TMEM9: variants seen among roughly 807,000 people sequenced by gnomAD.
TMEM9 encodes proton-transporting V-type ATPase complex assembly regulator TMEM9.
Under a neutral mutation model 22.8 loss-of-function variants are expected in TMEM9, and 13 were observed. That is an observed-to-expected ratio of 0.57 (90% confidence interval 0.37 to 0.91). The LOEUF is 0.91. Ranked by LOEUF, TMEM9 falls within the 40% of genes least tolerant of loss-of-function variation. TMEM9 has a pLI of 0.01. For synonymous variants in TMEM9, 88 were observed against 93.0 expected (o/e 0.95, Z 0.31); for missense variants, 182 against 238.1 (o/e 0.76, Z 1.55).
At chr1:201,162,315 T>C (rs1158808217) in intron 1 of TMEM9, among the ~76,000 whole-genome samples, 1 of 152,026 alleles carries the variant, frequency 6.6e-6, no homozygotes, top group Non-Finnish European at 1.5e-5. Flanking sequence ...ATTTTTATTT[T>C]TTGTGGAGAC....
chr1:201,156,858 C>T (rs1665810588), upstream of TMEM9, among the ~76,000 whole-genome samples: 1 of 152,216 alleles, frequency 6.6e-6, no homozygotes, highest in African/African-American at 2.4e-5. Context: ...AGGGATACAA[C>T]AGACAAATCA....
In TMEM9 at chr1:201,135,213, T is replaced by TA. The variant is rs35874939; in HGVS notation, c.*449dup. 0.4 allele frequency: 61,874 copies of TA among 153,012 alleles called. 13,215 individuals carry two copies. Among genetic ancestry groups the TA allele is most frequent in the Non-Finnish European group, 0.47 (32,310 of 68,412 alleles). 9.5% of individuals were successfully genotyped at this position (153,012 alleles called of 1,614,324 possible). On this transcript the variant is annotated 3_prime_UTR_variant, in exon 5 of 5. Coordinates refer to ENST00000367330, the MANE Select transcript of TMEM9 (RefSeq NM_001288565.2). Reference sequence around the variant, plus strand: ...GCTGGGGCTGGGAGGGAGGTGGTGATAAGAACCACTGCAGAAAGGAACACA... The same window carrying TA: ...GCTGGGGCTGGGAGGGAGGTGGTGATAAAGAACCACTGCAGAAAGGAACACA...
chr1:201,167,229 G>A (rs894643254), intron 1 of TMEM9, among the ~76,000 whole-genome samples: 3 of 152,122 alleles, frequency 2.0e-5, no homozygotes, highest in Non-Finnish European at 2.9e-5. Context: ...TAATTGATGC[G>A]GGGCCAGCCA....
intron 1 of TMEM9, among the ~76,000 whole-genome samples, chr1:201,170,002 CA>C (rs1297265054): frequency 6.7e-6 from 1 of 148,912 alleles, no homozygotes; most frequent in African/African-American, 2.5e-5. Flanking sequence ...TGGTCTTAAG[CA>C]ACAGAAACTG....
intron 3 of TMEM9, chr1:201,144,186 T>A (rs536919367): frequency 9.5e-5 from 45 of 472,008 alleles, no homozygotes; most frequent in Non-Finnish European, 1.5e-4. Context: ...ACAGCAGGCA[T>A]CACGACAGCA....
At chr1:201,147,535 G>A in intron 2 of TMEM9, among the ~76,000 whole-genome samples, 1 of 152,138 alleles carries the variant, frequency 6.6e-6, no homozygotes, top group East Asian at 1.9e-4. Context: ...TCTTAGCTGA[G>A]GCCCTCATCC....
intron 1 of TMEM9, among the ~76,000 whole-genome samples, chr1:201,161,990 A>G (rs1665955450): frequency 6.6e-6 from 1 of 152,202 alleles, no homozygotes; most frequent in Non-Finnish European, 1.5e-5. Flanking sequence ...AATATTAGTA[A>G]CTATGTGAAT....
chr1:201,153,551 C>G (rs1288177305), intron 1 of TMEM9, among the ~76,000 whole-genome samples: 1 of 152,158 alleles, frequency 6.6e-6, no homozygotes, highest in Non-Finnish European at 1.5e-5. Flanking sequence ...ATACTTTGGT[C>G]CAAAGCAAAG....
chr1:201,150,288 G>A (rs1665319652), intron 2 of TMEM9, among the ~76,000 whole-genome samples: 1 of 152,196 alleles, frequency 6.6e-6, no homozygotes, highest in Admixed American at 6.5e-5. Flanking sequence ...AGTGCTTCAG[G>A]AGGAGCCCAT....
chr1:201,166,473 G>C (rs1666081052), intron 1 of TMEM9, among the ~76,000 whole-genome samples: 1 of 151,234 alleles, frequency 6.6e-6, no homozygotes, highest in Non-Finnish European at 1.5e-5. Context: ...AGCAATTCTT[G>C]TGCCTCAGCC....
Position 201,167,837 on chromosome 1 carries a change from G to C in TMEM9, c.-37+3653C>G, listed in dbSNP as rs930314060. 2.6e-5 allele frequency among the ~76,000 whole-genome samples: 4 copies of C among 152,276 alleles called. No individual in the cohort carries two copies. In the South Asian group the frequency reaches 6.2e-4, roughly 24 times the overall value. On this transcript the variant is annotated intron_variant, in intron 1 of 5. Coordinates refer to the TMEM9 transcript ENST00000367333. Reference sequence around the variant, plus strand: ...TTCTTACTGATATAATTTTTGCAAGGATGGGATTACCTTTGCATAAACTTG... The same window carrying C: ...TTCTTACTGATATAATTTTTGCAAGCATGGGATTACCTTTGCATAAACTTG...
chr1:201,157,350 G>A (rs1291220388), upstream of TMEM9, among the ~76,000 whole-genome samples: 1 of 152,172 alleles, frequency 6.6e-6, no homozygotes, highest in African/African-American at 2.4e-5. Context: ...ACAAAAAAGG[G>A]AAGGTGGAGT....
rs746779699 is a variant in TMEM9, at chr1:201,160,643, C to G, written c.-36-6684G>C. On this transcript the variant is annotated intron_variant, in intron 1 of 5. Transcript: ENST00000367333. ...GAAATTTTTTTTTTTTTTTTAAAAT[C>G]GAGGACCCTAGGGCTGGGCGCAGTG... Among the ~76,000 whole-genome samples, 3 of 79,094 alleles carry G rather than the reference C, an allele frequency of 3.8e-5. No individual in the cohort carries two copies. The East Asian group carries it at 1.2e-3, about 31-fold the overall frequency. 51.9% of individuals were successfully genotyped at this position (79,094 alleles called of 152,430 possible).
chr1:201,159,368 TGGG>T (rs1390851228), upstream of TMEM9, among the ~76,000 whole-genome samples: 5 of 152,070 alleles, frequency 3.3e-5, no homozygotes, highest in Non-Finnish European at 7.4e-5. Context: ...ATCAGGGAAA[TGGG>T]GGCACTGAGC....
chr1:201,143,828 C>G lies in TMEM9; in HGVS notation c.391G>C (p.Glu131Gln). 1.2e-6 allele frequency: 2 copies of G among 1,614,078 alleles called. No homozygotes were observed. Among genetic ancestry groups the G allele is most frequent in the Non-Finnish European group, 1.7e-6 (2 of 1,179,972 alleles). Reference protein sequence around the residue: ...AYTEQLHNEEENEDARSMAAA... With the variant: ...AYTEQLHNEEQNEDARSMAAA... ...ACTCAAAGCCCTCTTACCTCATTCT[C>G]CTCCTCATTGTGCAGTTGCTCAGTA... is the stretch of plus-strand genomic sequence containing the variant. The change falls in exon 4 of 5, where the codon GAG becomes CAG. Residue 131 changes from glutamate (E) to glutamine (Q), a missense_variant. Transcript: ENST00000367330.
At position 201,135,363 on chromosome 1, in the gene TMEM9, G is replaced by C. The variant is rs1663890243; in HGVS notation, c.*300C>G. On this transcript the variant is annotated 3_prime_UTR_variant, in exon 5 of 5. Transcript: ENST00000367330. ...AGGCGGCAAGAGTGGAGCCAGGAGA[G>C]ACAGATCGCATCCACTCCTGAGGCC... The C allele has an allele frequency of 3.9e-6, 1 of 253,944 alleles. No homozygotes were observed. The highest frequency in any genetic ancestry group is 2.2e-5 in the African/African-American group (1 of 44,978). 15.7% of individuals were successfully genotyped at this position (253,944 alleles called of 1,614,324 possible). A position where few individuals can be genotyped will look rare whatever the true frequency, so the allele number is the denominator to read the frequency against.
rs537387090 is a variant in TMEM9 at position 201,151,695 on chromosome 1, A to G, written c.158+66T>C. 3 of 1,203,144 alleles carry G rather than the reference A, an allele frequency of 2.5e-6. No individual in the cohort carries two copies. In the East Asian group the frequency reaches 7.0e-5, roughly 28 times the overall value. The allele number at this position is 1,203,144 out of a possible 1,614,324, so 74.5% of individuals were successfully genotyped here. On this transcript the variant is annotated intron_variant, in intron 2 of 4. Transcript: ENST00000367330. ...GCATGCTTATCCTCCAGGGTCCAAG[A>G]ACTCTAGTAAACACCCATAACTTCA...
At position 201,135,584 on chromosome 1, in the gene TMEM9, A is replaced by C. The variant is rs1296359195; in HGVS notation, c.*79T>G. ...GGGAAGACTGGAACCGAGGGAAGGGAGAAGTAGCCCCCTGCTTTGTCCAGC... is the reference window on the plus strand; with the variant it reads ...GGGAAGACTGGAACCGAGGGAAGGGCGAAGTAGCCCCCTGCTTTGTCCAGC... On this transcript the variant is annotated 3_prime_UTR_variant, in exon 5 of 5. Transcript: ENST00000367330. The C allele has an allele frequency of 2.9e-6, 4 of 1,385,884 alleles. No homozygotes were observed. Among genetic ancestry groups the C allele is most frequent in the Non-Finnish European group, 3.8e-6 (4 of 1,040,776 alleles). 85.8% of individuals were successfully genotyped at this position (1,385,884 alleles called of 1,614,324 possible). A position where few individuals can be genotyped will look rare whatever the true frequency, so the allele number is the denominator to read the frequency against.
At chr1:201,156,992 G>T (rs952585286), upstream of TMEM9, among the ~76,000 whole-genome samples, 3 of 152,182 alleles carry the variant, frequency 2.0e-5, no homozygotes, top group African/African-American at 7.2e-5. Flanking sequence ...TGACACTTGA[G>T]GTTTGTTGTC....
Sources: gnomAD v4.1 joint callset for allele counts (sites outside exome capture counted in the v4.1 genomes callset) on GRCh38, gnomAD v4.1.1 for gene constraint, MANE v1.5 for transcripts, NCBI Gene and HGNC (gene_info 2026-07-23, HGNC 2026-07-21) for gene names.